CCSER1: variants seen among roughly 807,000 people sequenced by gnomAD.
CCSER1 encodes serine-rich coiled-coil domain-containing protein 1.
A neutral mutation model predicts 82.0 loss-of-function variants in CCSER1; 41 were observed. The ratio of observed to expected loss-of-function variants is 0.50; its 90% CI spans 0.39 to 0.65. The LOEUF (loss-of-function observed/expected upper bound fraction) is 0.65, where lower values mean the gene tolerates loss of function less well. Among genes scored for constraint, CCSER1 ranks in the 30% least tolerant of loss-of-function variants. The pLI is 0.00. For synonymous variants in CCSER1, 414 were observed against 383.9 expected (o/e 1.08, Z -0.92); for missense variants, 1,119 against 1,064.2 (o/e 1.05, Z -0.72).
chr4:90,696,277 T>A (rs2149256628), intron 6 of CCSER1, among the ~76,000 whole-genome samples: 1 of 152,294 alleles, frequency 6.6e-6, no homozygotes, highest in African/African-American at 2.4e-5. Context: ...CAGTTCCATA[T>A]TCATCAATTA....
chr4:91,540,694 C>T (rs879093839), intron 10 of CCSER1, among the ~76,000 whole-genome samples: 2 of 152,142 alleles, frequency 1.3e-5, no homozygotes, highest in Non-Finnish European at 2.9e-5. Flanking sequence ...ATTGAGATCT[C>T]TGATGCATTT....
intron 10 of CCSER1, among the ~76,000 whole-genome samples, chr4:91,200,230 A>G (rs1022118485): frequency 1.3e-5 from 2 of 152,080 alleles, no homozygotes; most frequent in African/African-American, 4.8e-5. Flanking sequence ...TTGTTTTCAA[A>G]TTATTTTATA....
intron 1 of CCSER1, among the ~76,000 whole-genome samples, chr4:90,192,259 C>T (rs1040025799): frequency 1.3e-5 from 2 of 151,950 alleles, no homozygotes; most frequent in East Asian, 3.9e-4. Context: ...GTGAAACTCA[C>T]TCACTATCAT....
At chr4:91,276,932 A>C (rs1742513842) in intron 10 of CCSER1, among the ~76,000 whole-genome samples, 1 of 151,924 alleles carries the variant, frequency 6.6e-6, no homozygotes, top group Non-Finnish European at 1.5e-5. Flanking sequence ...TATTCTTCAT[A>C]CTGTTGAGGT....
intron 3 of CCSER1, among the ~76,000 whole-genome samples, chr4:90,395,812 G>A (rs538600533): frequency 1.3e-5 from 2 of 151,408 alleles, no homozygotes; most frequent in African/African-American, 4.9e-5. Context: ...AAACCTTCAT[G>A]CCTGTAATCC....
Position 90,656,720 on chromosome 4 carries a change from A to G in CCSER1, c.1932+28488A>G, listed in dbSNP as rs185545435. Among the ~76,000 whole-genome samples, 645 of 151,828 alleles carry G rather than the reference A, an allele frequency of 4.2e-3. 7 individuals are homozygous for G. Among genetic ancestry groups the G allele is most frequent in the African/African-American group, 0.015 (628 of 41,528 alleles). Reference sequence around the variant, plus strand: ...GTTTTCTATTTGTCCCTCTTGTTCTATGTTCCTTTTTGTATCTCCTTGAAA... The same window carrying G: ...GTTTTCTATTTGTCCCTCTTGTTCTGTGTTCCTTTTTGTATCTCCTTGAAA... On this transcript the variant is annotated intron_variant, in intron 6 of 10. Transcript: ENST00000509176.
chr4:91,104,644 AC>A (rs1433613765), intron 10 of CCSER1, among the ~76,000 whole-genome samples: 2 of 152,196 alleles, frequency 1.3e-5, no homozygotes, highest in African/African-American at 4.8e-5. Context: ...ACAAATTACC[AC>A]CAAGTAGGTG....
intron 1 of CCSER1, among the ~76,000 whole-genome samples, chr4:90,282,430 TTATG>T (rs1729036823): frequency 6.6e-6 from 1 of 150,628 alleles, no homozygotes; most frequent in East Asian, 1.9e-4. Flanking sequence ...TTATATATAT[TTATG>T]TATATATTTA....
chr4:90,299,705 T>C (rs1732725842), intron 1 of CCSER1, among the ~76,000 whole-genome samples: 1 of 152,072 alleles, frequency 6.6e-6, no homozygotes, highest in Non-Finnish European at 1.5e-5. Flanking sequence ...TGGAAATGCA[T>C]TTAGAGATAA....
At chr4:91,320,662 C>T (rs892890443) in intron 10 of CCSER1, among the ~76,000 whole-genome samples, 2 of 151,938 alleles carry the variant, frequency 1.3e-5, no homozygotes, top group African/African-American at 4.8e-5. Flanking sequence ...TATTTAAATG[C>T]ACTGTAAATG....
At chr4:91,380,646 A>T (rs981794716) in intron 10 of CCSER1, among the ~76,000 whole-genome samples, 1 of 152,072 alleles carries the variant, frequency 6.6e-6, no homozygotes, top group Admixed American at 6.5e-5. Context: ...GTGTCTCTGC[A>T]TGTGAGATGG....
chr4:90,932,817 G>C (rs2150292157), intron 9 of CCSER1, among the ~76,000 whole-genome samples: 1 of 100,756 alleles, frequency 9.9e-6, no homozygotes, highest in South Asian at 3.2e-4. Context: ...GACAGAGCAA[G>C]ACTCCGTCTC....
intron 10 of CCSER1, 98 bp downstream of exon 10, chr4:91,086,092 A>G: frequency 1.3e-6 from 1 of 742,708 alleles, no homozygotes; most frequent in South Asian, 1.7e-5. Flanking sequence ...TACGTTGATA[A>G]TGGAAATGGA....
chr4:91,385,632 C>T (rs1751237094), intron 10 of CCSER1, among the ~76,000 whole-genome samples: 1 of 149,938 alleles, frequency 6.7e-6, no homozygotes, highest in Non-Finnish European at 1.5e-5. Context: ...TGAAAGGGGA[C>T]ATAGAAAAAG....
At chr4:90,321,492 C>G (rs1210630572) in intron 3 of CCSER1, among the ~76,000 whole-genome samples, 2 of 152,012 alleles carry the variant, frequency 1.3e-5, no homozygotes, top group African/African-American at 4.8e-5. Flanking sequence ...GATTGCATGT[C>G]CTGGCTATTG....
chr4:91,247,559 A>T (rs1739894273), intron 10 of CCSER1, among the ~76,000 whole-genome samples: 1 of 152,102 alleles, frequency 6.6e-6, no homozygotes, highest in Admixed American at 6.5e-5. Flanking sequence ...CTTGGTTTTT[A>T]ATATTATTCT....
At chr4:91,053,110 T>G (rs1364686757) in intron 9 of CCSER1, among the ~76,000 whole-genome samples, 3 of 152,168 alleles carry the variant, frequency 2.0e-5, no homozygotes, top group Admixed American at 2.0e-4. Context: ...AAAATTAGTT[T>G]GAGAATAAAT....
chr4:90,860,044 G>GATGACT (rs1224337150), intron 8 of CCSER1, among the ~76,000 whole-genome samples: 2 of 151,612 alleles, frequency 1.3e-5, no homozygotes, highest in Admixed American at 1.3e-4. Context: ...TGGCATTAAA[G>GATGACT]ATGACTATCA....
At position 91,021,448 on chromosome 4, in the gene CCSER1, T is replaced by A. The variant is rs558477430; in HGVS notation, c.2173-64502T>A. Reference sequence around the variant, plus strand: ...TCAAACTGATCTTTAGATATCAACTTTGATTTAAAAATAGTTTTTTTAATT... The same window carrying A: ...TCAAACTGATCTTTAGATATCAACTATGATTTAAAAATAGTTTTTTTAATT... On this transcript the variant is annotated intron_variant, in intron 9 of 10. Coordinates refer to ENST00000509176, the MANE Select transcript of CCSER1 (RefSeq NM_001145065.2). 7.3e-4 allele frequency among the ~76,000 whole-genome samples: 111 copies of A among 152,328 alleles called. 1 individual carries two copies. The highest frequency in any genetic ancestry group is 2.4e-3 in the African/African-American group (101 of 41,590).
Sources: gnomAD v4.1 joint callset for allele counts (sites outside exome capture counted in the v4.1 genomes callset) on GRCh38, gnomAD v4.1.1 for gene constraint, MANE v1.5 for transcripts, NCBI Gene and HGNC (gene_info 2026-07-23, HGNC 2026-07-21) for gene names.